Variants in DLGAP2 observed in about 807,000 individuals in gnomAD.
The protein encoded by DLGAP2 is DLG associated protein 2, also known as disks large-associated protein 2.
A neutral mutation model predicts 100.3 loss-of-function variants in DLGAP2; 26 were observed. That is an observed-to-expected ratio of 0.26 (90% CI 0.19 to 0.36). DLGAP2 has a LOEUF of 0.36. Among genes scored for constraint, DLGAP2 ranks in the 10% least tolerant of loss-of-function variants. The probability of loss-of-function intolerance (pLI) is 1.00; values close to 1 mark genes in which losing one functional copy is unlikely to be tolerated. For missense variants in DLGAP2, 1,858 were observed against 1,453.2 expected (o/e 1.28, Z -4.53); for synonymous variants, 886 against 630.1 (o/e 1.41, Z -6.08).
At position 922,288 on chromosome 8, in the gene DLGAP2, T is replaced by TGA. The variant is rs535177626; in HGVS notation, c.73+14332_73+14333dup. ...GGGATGAGTCCTGCTCACTTTATTC[T>TGA]GAGAGAGAGAGGTGCTAATTGCGGT... is the stretch of plus-strand genomic sequence containing the variant. On this transcript the variant is annotated intron_variant, in intron 2 of 14. Transcript: ENST00000637795. 1.4e-3 allele frequency among the ~76,000 whole-genome samples: 216 copies of TGA among 152,214 alleles called. 2 individuals carry two copies. The highest frequency in any genetic ancestry group is 5.0e-3 in the African/African-American group (207 of 41,520).
chr8:765,692 C>G (rs1447608687), intron 1 of DLGAP2, among the ~76,000 whole-genome samples: 2 of 152,178 alleles, frequency 1.3e-5, no homozygotes, highest in Non-Finnish European at 2.9e-5. Context: ...GGAGTTTCCT[C>G]TATGGTCAGC....
chr8:1,573,704 C>G (rs530840808), intron 6 of DLGAP2, among the ~76,000 whole-genome samples: 1 of 152,146 alleles, frequency 6.6e-6, no homozygotes, highest in Non-Finnish European at 1.5e-5. Flanking sequence ...CAAGCAAGGG[C>G]CTGCCAAGGG....
intron 2 of DLGAP2, among the ~76,000 whole-genome samples, chr8:1,206,093 T>C (rs1797983725): frequency 6.6e-6 from 1 of 152,182 alleles, no homozygotes; most frequent in South Asian, 2.1e-4. Context: ...AGAAATCATG[T>C]TAACCCCTCT....
intron 3 of DLGAP2, among the ~76,000 whole-genome samples, chr8:1,431,933 C>G (rs895102335): frequency 4.0e-5 from 6 of 150,494 alleles, no homozygotes; most frequent in Non-Finnish European, 4.4e-5. Context: ...CTGCCGGCAC[C>G]CAGCACCCCA....
Position 1,548,641 on chromosome 8 carries a change from G to C in DLGAP2, c.188G>C (p.Trp63Ser). Residue 63 changes from tryptophan (W) to serine (S), a missense_variant, in exon 5 of 15, where the codon TGG becomes TCG. Trp to Ser is a radical substitution (Grantham distance 177, BLOSUM62 -3). Transcript: ENST00000637795. ...TTCCCCACAGACCCGCAGTACTCATGGTCGCCCACGCAGCACTTCAATGAG... is the reference window on the plus strand; with the variant it reads ...TTCCCCACAGACCCGCAGTACTCATCGTCGCCCACGCAGCACTTCAATGAG... ...AEEDLDPQYS[W>S]SPTQHFNEER... is the part of the protein sequence containing the mutation. The C allele has an allele frequency of 6.4e-7, 1 of 1,550,814 alleles. No homozygotes were observed. Among genetic ancestry groups the C allele is most frequent in the Non-Finnish European group, 8.7e-7 (1 of 1,149,636 alleles).
At chr8:1,107,517 C>G (rs1350532983) in intron 2 of DLGAP2, among the ~76,000 whole-genome samples, 1 of 152,154 alleles carries the variant, frequency 6.6e-6, no homozygotes, top group Non-Finnish European at 1.5e-5. Context: ...ACAGGGAGAG[C>G]CAGGGCCCCT....
intron 2 of DLGAP2, among the ~76,000 whole-genome samples, chr8:1,155,007 C>A (rs1796755621): frequency 6.6e-6 from 1 of 152,238 alleles, no homozygotes; most frequent in Non-Finnish European, 1.5e-5. Context: ...TCCCTCCCTC[C>A]CATCCTGCTT....
In DLGAP2 at chr8:1,596,248, A is replaced by AC. The variant is rs1416656216; in HGVS notation, c.1442+30355dup. On this transcript the variant is annotated intron_variant, in intron 6 of 14. Coordinates refer to ENST00000637795, the MANE Select transcript of DLGAP2 (RefSeq NM_001346810.2). ...TAGTATTCCATGGTGTATATGTGCC[A>AC]CATTTTCTTTATGCAGTTTATCATT... 3.3e-5 allele frequency among the ~76,000 whole-genome samples: 5 copies of AC among 152,168 alleles called. No homozygotes were observed. In the East Asian group the frequency reaches 9.6e-4, roughly 29 times the overall value.
At chr8:928,794 C>T (rs1354360554) in intron 2 of DLGAP2, among the ~76,000 whole-genome samples, 6 of 151,928 alleles carry the variant, frequency 3.9e-5, no homozygotes, top group Non-Finnish European at 7.4e-5. Context: ...TTAGAAGGGA[C>T]TCGAGGATTT....
chr8:1,557,534 A>T (rs1405726745), intron 5 of DLGAP2, among the ~76,000 whole-genome samples: 3 of 152,100 alleles, frequency 2.0e-5, no homozygotes, highest in African/African-American at 7.2e-5. Context: ...GGGTCTCCGC[A>T]CCGAGGCAAG....
chr8:1,041,641 C>G (rs1802352303), intron 2 of DLGAP2, among the ~76,000 whole-genome samples: 1 of 91,184 alleles, frequency 1.1e-5, no homozygotes, highest in Non-Finnish European at 2.2e-5. Flanking sequence ...GTTCTCCGAG[C>G]CCCTTGCCGT....
intron 2 of DLGAP2, chr8:1,250,231 C>G (rs944188286): frequency 1.3e-5 from 2 of 152,180 alleles, no homozygotes; most frequent in South Asian, 4.1e-4. Context: ...CAGAAACACC[C>G]CAAAGTCAGA....
At chr8:1,531,832 C>T (rs1021152949) in intron 4 of DLGAP2, among the ~76,000 whole-genome samples, 1 of 152,128 alleles carries the variant, frequency 6.6e-6, no homozygotes, top group Admixed American at 6.5e-5. Flanking sequence ...GAACCCTGAA[C>T]ATTTGAGACA....
At chr8:1,034,007 G>A (rs1417735706) in intron 2 of DLGAP2, among the ~76,000 whole-genome samples, 39 of 130,164 alleles carry the variant, frequency 3.0e-4, no homozygotes, top group African/African-American at 1.1e-3. Context: ...TCCCGACCCC[G>A]CGTGTCACCG....
At chr8:1,602,074 A>G (rs2956946) in intron 6 of DLGAP2, among the ~76,000 whole-genome samples, 111,867 of 151,708 alleles carry the variant, frequency 0.74, 41,511 homozygotes, top group East Asian at 0.92. Context: ...GGGCCATGCA[A>G]GCTGCATTGA....
At chr8:1,520,527 C>A (rs1231123490) in intron 4 of DLGAP2, among the ~76,000 whole-genome samples, 1 of 152,120 alleles carries the variant, frequency 6.6e-6, no homozygotes, top group Non-Finnish European at 1.5e-5. Flanking sequence ...GTGGACTCCC[C>A]ACTGCCACCT....
intron 3 of DLGAP2, among the ~76,000 whole-genome samples, chr8:1,495,302 C>T (rs540076109): frequency 1.2e-4 from 19 of 152,190 alleles, no homozygotes; most frequent in Admixed American, 6.5e-4. Context: ...CTCAGATGCC[C>T]GGCAGCTGTG....
intron 1 of DLGAP2, among the ~76,000 whole-genome samples, chr8:770,110 T>A (rs575851655): frequency 2.6e-5 from 4 of 152,352 alleles, no homozygotes; most frequent in African/African-American, 7.2e-5. Flanking sequence ...TATCACAGGT[T>A]TTGTACGTTT....
chr8:1,265,149 C>T (rs368837807), intron 3 of DLGAP2, among the ~76,000 whole-genome samples: 1 of 152,082 alleles, frequency 6.6e-6, no homozygotes, highest in South Asian at 2.1e-4. Context: ...GAATGAACAA[C>T]CAAAGCCCTA....
Sources: gnomAD v4.1 joint callset for allele counts (sites outside exome capture counted in the v4.1 genomes callset) on GRCh38, gnomAD v4.1.1 for gene constraint, MANE v1.5 for transcripts, NCBI Gene and HGNC (gene_info 2026-07-23, HGNC 2026-07-21) for gene names.